ZNF441: variants seen among roughly 807,000 people sequenced by gnomAD.
ZNF441 encodes the protein zinc finger protein 441.
Under a neutral mutation model 64.5 loss-of-function variants are expected in ZNF441, and 25 were observed. That is an observed-to-expected ratio of 0.39 (90% CI 0.28 to 0.54). The LOEUF is 0.54. Among genes scored for constraint, ZNF441 ranks in the 20% least tolerant of loss-of-function variants. The pLI, the probability that ZNF441 is intolerant of heterozygous loss-of-function variation, is 0.70. For missense variants in ZNF441, 715 were observed against 843.3 expected (o/e 0.85, Z 1.88); for synonymous variants, 262 against 268.0 (o/e 0.98, Z 0.22).
chr19:11,780,929 T>G lies in ZNF441; in HGVS notation c.1105T>G (p.Cys369Gly). 1 of 1,613,798 alleles carries G rather than the reference T, an allele frequency of 6.2e-7. No homozygotes were observed. ...AGATGGACCTCATAAATGCAAGGTA[T>G]GTGGGAAAGCCTTTGATTCTCCCAG... ...TGDGPHKCKV[C>G]GKAFDSPSLC... is the part of the protein sequence containing the mutation. The change falls in exon 4 of 4, where the codon TGT (cysteine) becomes GGT (glycine). Residue 369 changes from cysteine (C) to glycine (G), a missense_variant. By Grantham distance (159) the Cys-to-Gly change is radical. This residue lies in a region of ZNF441 where 316 missense variants were observed against 429.3 expected (regional missense o/e 0.74). Transcript: ENST00000357901.
Position 11,767,280 on chromosome 19 carries a change from T to G in ZNF441, c.3+84T>G, listed in dbSNP as rs384148. On this transcript the variant is annotated intron_variant, in intron 1 of 3. Coordinates refer to ENST00000357901, the MANE Select transcript of ZNF441 (RefSeq NM_152355.3). This position sits in a 1 kb window ranked among gnomAD's most constrained non-coding sequence, Gnocchi z 5.1. ...CGGAACCGGCTGTGGTGGCACCAGG[T>G]CTTCCCCGCCGGCGACACCCTGGCG... The G allele has an allele frequency of 0.37, 564,018 of 1,542,172 alleles. 105,458 individuals carry two copies. Among genetic ancestry groups the G allele is most frequent in the Non-Finnish European group, 0.39 (442,899 of 1,139,434 alleles).
At position 11,777,712 on chromosome 19, in the gene ZNF441, A is replaced by C; in HGVS notation, c.105A>C (p.Glu35Asp). The C allele has an allele frequency of 6.2e-7, 1 of 1,612,660 alleles. No individual in the cohort carries two copies. Reference protein sequence around the residue: ...QKSLYRDVMQETIRNLDCIGM... With the variant: ...QKSLYRDVMQDTIRNLDCIGM... The stretch of plus-strand genomic sequence containing the variant: ...GTCTCTACAGAGATGTGATGCAGGA[A>C]ACCATCAGAAACCTGGACTGTATAG... The change falls in exon 2 of 4, where the codon GAA (glutamate) becomes GAC (aspartate). Residue 35 changes from glutamate to aspartate, a missense_variant. By Grantham distance (45) the Glu-to-Asp change is conservative. Around this residue, in one of 2 missense-constraint regions of ZNF441, gnomAD observed 399 missense variants for 413.9 expected, o/e 0.96. Transcript: ENST00000357901.
chr19:11,767,053 G>A lies in ZNF441; in HGVS notation c.-141G>A. ...GTGCAAGGTTCAAAGAGCCCGCCGAGTCTTCTCCACGCCCCTGCACTGGGC... is the reference window on the plus strand; with the variant it reads ...GTGCAAGGTTCAAAGAGCCCGCCGAATCTTCTCCACGCCCCTGCACTGGGC... On this transcript the variant is annotated 5_prime_UTR_variant, in exon 1 of 4. Coordinates refer to ENST00000357901, the MANE Select transcript of ZNF441 (RefSeq NM_152355.3). This position sits in a 1 kb window ranked among gnomAD's most constrained non-coding sequence, Gnocchi z 5.1. 1 of 1,298,374 alleles carries A rather than the reference G, an allele frequency of 7.7e-7. No individual in the cohort carries two copies. The highest frequency in any genetic ancestry group is 1.4e-5 in the South Asian group (1 of 73,794). The allele number at this position is 1,298,374 out of a possible 1,614,324, so 80.4% of individuals were successfully genotyped here.
In ZNF441 at chr19:11,780,871, A is replaced by G; in HGVS notation, c.1047A>G (p.Thr349=). The G allele has an allele frequency of 6.2e-7, 1 of 1,614,042 alleles. No homozygotes were observed. Among genetic ancestry groups the G allele is most frequent in the Non-Finnish European group, 8.5e-7 (1 of 1,179,998 alleles). Residue 349 remains threonine, a synonymous_variant, in exon 4 of 4, where the codon ACA becomes ACG. Coordinates refer to ENST00000357901, the MANE Select transcript of ZNF441 (RefSeq NM_152355.3). ...GTGGGAAAGCATTCTCTGATTGCAC[A>G]GGTTTTCGAAGACACATGATAACGC... ...KYCGKAFSDC[T]GFRRHMITHT...
At position 11,778,355 on chromosome 19, in the gene ZNF441, A is replaced by C; in HGVS notation, c.156A>C (p.Ile52=). The change falls in exon 3 of 4, where the codon ATA becomes ATC. Residue 52 remains isoleucine, a synonymous_variant. Transcript: ENST00000357901. ...CIGMIWQNHD[I]EEDQYKDLRR... The stretch of plus-strand genomic sequence containing the variant: ...GAATGATATGGCAAAATCATGATAT[A>C]GAAGAAGATCAGTACAAAGATCTCA... 1.3e-6 allele frequency: 2 copies of C among 1,546,502 alleles called. No individual in the cohort carries two copies. Among genetic ancestry groups the C allele is most frequent in the Non-Finnish European group, 1.7e-6 (2 of 1,145,020 alleles).
Position 11,781,090 on chromosome 19 carries a change from A to G in ZNF441, c.1266A>G (p.Lys422=). 1 of 1,613,616 alleles carries G rather than the reference A, an allele frequency of 6.2e-7. No individual in the cohort carries two copies. The highest frequency in any genetic ancestry group is 8.5e-7 in the Non-Finnish European group (1 of 1,179,858). The change falls in exon 4 of 4, where the codon AAA becomes AAG. Residue 422 remains lysine (K), a synonymous_variant. Transcript: ENST00000357901. ...CTGGAGAGAAGCCATATAAATGTAA[A>G]CAATGTGGAAAAGCCTTCATTTGTT... ...THTGEKPYKC[K]QCGKAFICCT... is the part of the protein sequence containing the mutation.
Position 11,780,951 on chromosome 19 carries a change from C to T in ZNF441, c.1127C>T (p.Pro376Leu), listed in dbSNP as rs1975397054. ...GTATGTGGGAAAGCCTTTGATTCTC[C>T]CAGTTTATGTCGAAGGCATGAAACA... The part of the protein sequence containing the change: ...CKVCGKAFDS[P>L]SLCRRHETTH... Residue 376 changes from proline (P) to leucine (L), a missense_variant, in exon 4 of 4, where the codon CCC (proline) becomes CTC (leucine). By Grantham distance (98) the Pro-to-Leu change is moderately conservative (BLOSUM62 -3). Transcript: ENST00000357901. The T allele has an allele frequency of 1.9e-6, 3 of 1,613,512 alleles. No individual in the cohort carries two copies. Among genetic ancestry groups the T allele is most frequent in the Non-Finnish European group, 8.5e-7 (1 of 1,179,890 alleles).
At position 11,784,037 on chromosome 19, in the gene ZNF441, A is replaced by T. The variant is rs919674041; in HGVS notation, c.*2131A>T. ...TGTGTACCTTATATATATGTAAAAT[A>T]TGTATCAATAAAAGAAAATATATAA... On this transcript the variant is annotated 3_prime_UTR_variant, in exon 4 of 4. Coordinates refer to ENST00000357901, the MANE Select transcript of ZNF441 (RefSeq NM_152355.3). The T allele has an allele frequency of 6.6e-6, 1 of 152,192 alleles. No individual in the cohort carries two copies. The highest frequency in any genetic ancestry group is 6.5e-5 in the Admixed American group (1 of 15,270). The allele number at this position is 152,192 out of a possible 1,614,324, so 9.4% of individuals were successfully genotyped here.
At chr19:11,772,955 C>A (rs2145079182) in intron 1 of ZNF441, among the ~76,000 whole-genome samples, 1 of 152,256 alleles carries the variant, frequency 6.6e-6, no homozygotes, top group South Asian at 2.1e-4. Flanking sequence ...CCACGCCCGA[C>A]TAATTTTTTG....
intron 1 of ZNF441, 115 bp from the exon 2 acceptor site, chr19:11,777,496 T>G: frequency 8.3e-7 from 1 of 1,202,542 alleles, no homozygotes; most frequent in Non-Finnish European, 1.2e-6. Context: ...GGGTTTACCA[T>G]GTTCTTGAAT....
rs1457317354 is a variant in ZNF441, at chr19:11,781,427, C to T, written c.1603C>T (p.Leu535=). The T allele has an allele frequency of 6.2e-7, 1 of 1,613,628 alleles. No homozygotes were observed. The highest frequency in any genetic ancestry group is 8.5e-7 in the Non-Finnish European group (1 of 1,179,888). The change falls in exon 4 of 4, where the codon CTA becomes TTA. Residue 535 remains leucine (L), a synonymous_variant. Transcript: ENST00000357901. ...TGGGGAGAGACCCTATAAGTGTAAA[C>T]TATGTGGGAAAGGCTTCAGGTCTTC... ...HTGERPYKCK[L]CGKGFRSSSY...
Position 11,780,181 on chromosome 19 carries a change from TTGCTACGTTAGAGTTGACAG to T in ZNF441, c.360_379del (p.Cys120Ter). On this transcript the variant is annotated frameshift_variant, in exon 4 of 4. Coordinates refer to ENST00000357901, the MANE Select transcript of ZNF441 (RefSeq NM_152355.3). LOFTEE classifies it high-confidence loss of function. ...TCCTCATGGGTCGTTCATCTCTTAA[TTGCTACGTTAGAGTTGACAG>T]TGAACACAAACCATGTGAGTATCAA... 1 of 1,614,194 alleles carries T rather than the reference TTGCTACGTTAGAGTTGACAG, an allele frequency of 6.2e-7. No homozygotes were observed. The highest frequency in any genetic ancestry group is 8.5e-7 in the Non-Finnish European group (1 of 1,180,030).
At chr19:11,768,425 A>G (rs1159892749) in intron 1 of ZNF441, among the ~76,000 whole-genome samples, 3 of 152,246 alleles carry the variant, frequency 2.0e-5, no homozygotes, top group Non-Finnish European at 4.4e-5. Context: ...AATCTTTGTT[A>G]CTGTCCTCCC....
chr19:11,777,892 A>G, intron 2 of ZNF441, 155 bp downstream of exon 2: 2 of 699,094 alleles, frequency 2.9e-6, no homozygotes, highest in South Asian at 4.3e-5. Flanking sequence ...CAACTTAACC[A>G]CTAGTAGCCT....
chr19:11,771,504 C>G (rs1975313064), intron 1 of ZNF441, among the ~76,000 whole-genome samples: 1 of 152,164 alleles, frequency 6.6e-6, no homozygotes, highest in Non-Finnish European at 1.5e-5. Flanking sequence ...AGATATAGAT[C>G]TTAGATATGA....
Position 11,782,065 on chromosome 19 carries a change from C to A in ZNF441, c.*159C>A. The A allele has an allele frequency of 1.9e-6, 1 of 528,064 alleles. No individual in the cohort carries two copies. Among genetic ancestry groups the A allele is most frequent in the Non-Finnish European group, 3.2e-6 (1 of 314,656 alleles). The allele number at this position is 528,064 out of a possible 1,614,324, so 32.7% of individuals were successfully genotyped here. On this transcript the variant is annotated 3_prime_UTR_variant, in exon 4 of 4. Transcript: ENST00000357901. ...TACCTTTTGAAAACATGACCAAACT[C>A]ATACTTCAAAAATATATATATAATG...
chr19:11,781,358 T>G lies in ZNF441; in HGVS notation c.1534T>G (p.Phe512Val). The change falls in exon 4 of 4, where the codon TTT (phenylalanine) becomes GTT (valine). Residue 512 changes from phenylalanine to valine, a missense_variant. Around this residue, in one of 2 missense-constraint regions of ZNF441, gnomAD observed 316 missense variants for 429.3 expected, o/e 0.74. Coordinates refer to ENST00000357901, the MANE Select transcript of ZNF441 (RefSeq NM_152355.3). ...PHKCKICGKS[F>V]DSPSSFRRHE... Reference sequence around the variant, plus strand: ...TAAATGTAAGATATGTGGGAAAAGCTTTGATTCTCCCAGTTCATTTCGAAG... The same window carrying G: ...TAAATGTAAGATATGTGGGAAAAGCGTTGATTCTCCCAGTTCATTTCGAAG... The G allele has an allele frequency of 6.2e-7, 1 of 1,613,848 alleles. No individual in the cohort carries two copies. The highest frequency in any genetic ancestry group is 8.5e-7 in the Non-Finnish European group (1 of 1,179,952).
rs1975281584 is a variant in ZNF441, at chr19:11,767,664, T to G, written c.3+468T>G. ...GGATGGTGGGGAAGTGAGGGGTGAC[T>G]CTTGGGACTGGAGGTGAAGAAACCG... On this transcript the variant is annotated intron_variant, in intron 1 of 3. Coordinates refer to ENST00000357901, the MANE Select transcript of ZNF441 (RefSeq NM_152355.3). The surrounding 1 kb of genome is among the most constrained non-coding windows in gnomAD (Gnocchi z 5.1). Among the ~76,000 whole-genome samples the G allele has an allele frequency of 6.6e-6, 1 of 152,170 alleles. No individual in the cohort carries two copies. The highest frequency in any genetic ancestry group is 2.4e-5 in the African/African-American group (1 of 41,448).
rs1216437352 is a variant in ZNF441 at position 11,780,081 on chromosome 19, C to G, written c.257C>G (p.Thr86Ser). ...KDNSQCGGPF[T>S]QTQDSIVNEK... ...AATAGTCAATGTGGAGGACCCTTTA[C>G]CCAGACTCAAGACAGTATTGTGAAC... Residue 86 changes from threonine (T) to serine (S), a missense_variant, in exon 4 of 4, where the codon ACC becomes AGC. Coordinates refer to ENST00000357901, the MANE Select transcript of ZNF441 (RefSeq NM_152355.3). 1.2e-6 allele frequency: 2 copies of G among 1,614,082 alleles called. No homozygotes were observed. The highest frequency in any genetic ancestry group is 1.3e-5 in the African/African-American group (1 of 75,024).
Sources: allele counts gnomAD v4.1 joint callset (sites outside exome capture counted in the v4.1 genomes callset), GRCh38; gene constraint gnomAD v4.1.1; regional missense constraint gnomAD v4.1.1; non-coding constraint Gnocchi (gnomAD v3.1); transcripts MANE v1.5; gene names NCBI Gene and HGNC (gene_info 2026-07-23, HGNC 2026-07-21).